CNTN4: variants seen among roughly 807,000 people sequenced by gnomAD.
The protein encoded by CNTN4 is contactin-4.
A neutral mutation model predicts 122.5 loss-of-function variants in CNTN4; 77 were observed. The ratio of observed to expected loss-of-function variants is 0.63; its 90% CI spans 0.52 to 0.76. The LOEUF is 0.76. CNTN4 is among the 30% of genes least tolerant of loss of function. The pLI is 0.00. For synonymous variants in CNTN4, 512 were observed against 447.0 expected (o/e 1.15, Z -1.83); for missense variants, 1,256 against 1,259.1 (o/e 1.00, Z 0.04).
intron 2 of CNTN4, among the ~76,000 whole-genome samples, chr3:2,147,260 C>G (rs957338051): frequency 2.0e-5 from 3 of 152,012 alleles, no homozygotes; most frequent in Non-Finnish European, 4.4e-5. Flanking sequence ...TTTTTCTACC[C>G]TCAGCATGCA....
chr3:2,211,810 G>A (rs556397817), intron 2 of CNTN4, among the ~76,000 whole-genome samples: 81 of 152,138 alleles, frequency 5.3e-4, no homozygotes, highest in Non-Finnish European at 6.9e-4. Flanking sequence ...CATTTACCAA[G>A]TATTCTGTAT....
intron 4 of CNTN4, among the ~76,000 whole-genome samples, chr3:2,642,026 G>A (rs530350618): frequency 6.6e-6 from 1 of 152,312 alleles, no homozygotes; most frequent in African/African-American, 2.4e-5. Context: ...ATAGATGTGT[G>A]TATAAATGAG....
intron 13 of CNTN4, among the ~76,000 whole-genome samples, chr3:2,981,200 T>G (rs1341124539): frequency 6.6e-6 from 1 of 152,170 alleles, no homozygotes; most frequent in South Asian, 2.1e-4. Context: ...GTACCAGCAC[T>G]TTGGCAGGCC....
chr3:2,862,886 C>T (rs762774353), intron 7 of CNTN4, among the ~76,000 whole-genome samples: 15 of 152,050 alleles, frequency 9.9e-5, no homozygotes, highest in African/African-American at 1.4e-4. Context: ...GTATATTGAG[C>T]GATATAAAAA....
At chr3:2,137,077 A>G (rs2034729105) in intron 2 of CNTN4, among the ~76,000 whole-genome samples, 1 of 152,196 alleles carries the variant, frequency 6.6e-6, no homozygotes, top group Non-Finnish European at 1.5e-5. Context: ...AATCAAAATA[A>G]TCGTGTAGAT....
intron 2 of CNTN4, among the ~76,000 whole-genome samples, chr3:2,209,509 G>C (rs2038510908): frequency 6.6e-6 from 1 of 151,924 alleles, no homozygotes; most frequent in African/African-American, 2.4e-5. Context: ...TGGTAACACT[G>C]AGTCTCCCTA....
chr3:2,699,587 G>C (rs986909828), intron 4 of CNTN4, among the ~76,000 whole-genome samples: 7 of 152,178 alleles, frequency 4.6e-5, no homozygotes, highest in Non-Finnish European at 8.8e-5. Context: ...TTGGTCCCCT[G>C]CTCACTCCAA....
At chr3:2,301,108 C>T (rs1347164523) in intron 2 of CNTN4, among the ~76,000 whole-genome samples, 1 of 152,176 alleles carries the variant, frequency 6.6e-6, no homozygotes, top group Non-Finnish European at 1.5e-5. Flanking sequence ...ATATCTCAAT[C>T]CGCCAGATGT....
chr3:2,435,888 C>T (rs2048241719), intron 3 of CNTN4, among the ~76,000 whole-genome samples: 1 of 152,042 alleles, frequency 6.6e-6, no homozygotes, highest in Admixed American at 6.6e-5. Context: ...ATTTCTATTC[C>T]CTTGTAATTA....
At chr3:2,243,754 T>C (rs1427348937) in intron 2 of CNTN4, among the ~76,000 whole-genome samples, 1 of 152,060 alleles carries the variant, frequency 6.6e-6, no homozygotes, top group East Asian at 1.9e-4. Context: ...CTACATGCAT[T>C]ATCCTTGAAA....
At position 2,131,868 on chromosome 3, in the gene CNTN4, A is replaced by C. The variant is rs553456594; in HGVS notation, c.-145+31229A>C. Among the ~76,000 whole-genome samples the C allele has an allele frequency of 9.7e-4, 147 of 152,176 alleles. 2 individuals carry two copies. The highest frequency in any genetic ancestry group is 3.3e-3 in the African/African-American group (135 of 41,536). ...TCTAGAATCAGTGAGCTTTTTTCTT[A>C]TTTGTAATCTGAGAGCAACAGTACA... On this transcript the variant is annotated intron_variant, in intron 2 of 24. Coordinates refer to ENST00000418658, the MANE Select transcript of CNTN4 (RefSeq NM_175607.3).
At chr3:2,813,717 G>C (rs1329946493) in intron 6 of CNTN4, among the ~76,000 whole-genome samples, 1 of 151,946 alleles carries the variant, frequency 6.6e-6, no homozygotes, top group Non-Finnish European at 1.5e-5. Flanking sequence ...AGAGATCTTG[G>C]ACCCTCTTGA....
At chr3:2,917,211 G>C (rs1201544118) in intron 12 of CNTN4, among the ~76,000 whole-genome samples, 1 of 151,514 alleles carries the variant, frequency 6.6e-6, no homozygotes, top group African/African-American at 2.4e-5. Context: ...TGAGGCAGGA[G>C]AATCAGGCAG....
chr3:2,260,350 T>C (rs2040781409), intron 2 of CNTN4, among the ~76,000 whole-genome samples: 1 of 152,120 alleles, frequency 6.6e-6, no homozygotes, highest in South Asian at 2.1e-4. Context: ...TATCATTTTT[T>C]TTTTGGCTTC....
chr3:2,927,890 G>A (rs2094488087), intron 13 of CNTN4, among the ~76,000 whole-genome samples: 1 of 152,138 alleles, frequency 6.6e-6, no homozygotes. Context: ...ATCAATATTA[G>A]CACTTATTCT....
At chr3:2,509,036 C>T (rs1250869854) in intron 3 of CNTN4, among the ~76,000 whole-genome samples, 1 of 152,190 alleles carries the variant, frequency 6.6e-6, no homozygotes, top group Non-Finnish European at 1.5e-5. Context: ...GAATCTATTA[C>T]ATATCATAAT....
rs142959193 is a variant in CNTN4 at position 2,320,266 on chromosome 3, A to G, written c.-144-18912A>G. ...AAAATGTTTTGCTACTTGAAAGTGT[A>G]CTTAGATGTGTTAATGTTATATACA... On this transcript the variant is annotated intron_variant, in intron 2 of 24. Coordinates refer to ENST00000418658, the MANE Select transcript of CNTN4 (RefSeq NM_175607.3). Among the ~76,000 whole-genome samples the G allele has an allele frequency of 3.2e-3, 492 of 152,316 alleles. 1 individual carries two copies. Among genetic ancestry groups the G allele is most frequent in the African/African-American group, 0.011 (466 of 41,580 alleles).
intron 3 of CNTN4, among the ~76,000 whole-genome samples, chr3:2,516,022 G>A (rs2077030347): frequency 6.6e-6 from 1 of 151,996 alleles, no homozygotes; most frequent in African/African-American, 2.4e-5. Context: ...TCTTATTTCA[G>A]ATCAGGGTAG....
chr3:2,405,562 T>C (rs1478099635), intron 3 of CNTN4, among the ~76,000 whole-genome samples: 2 of 151,500 alleles, frequency 1.3e-5, no homozygotes, highest in Non-Finnish European at 1.5e-5. Context: ...TAGAATAAAA[T>C]AGATATATGC....
Sources: gnomAD v4.1 joint callset for allele counts (sites outside exome capture counted in the v4.1 genomes callset) on GRCh38, gnomAD v4.1.1 for gene constraint, MANE v1.5 for transcripts, NCBI Gene and HGNC (gene_info 2026-07-23, HGNC 2026-07-21) for gene names.